ZSCAN23: variants seen among roughly 807,000 people sequenced by gnomAD.
ZSCAN23 encodes zinc finger and SCAN domain containing 23, also known as zinc finger and SCAN domain-containing protein 23.
Under a neutral mutation model 19.3 loss-of-function variants are expected in ZSCAN23, and 19 were observed. That is an observed-to-expected ratio of 0.99 (90% confidence interval 0.69 to 1.45). ZSCAN23 has a LOEUF of 1.45. Ranked by LOEUF, ZSCAN23 falls within the 40% of genes most tolerant of loss-of-function variation. The probability of loss-of-function intolerance (pLI) is 0.00; values close to 1 mark genes in which losing one functional copy is unlikely to be tolerated. For synonymous variants in ZSCAN23, 140 were observed against 166.2 expected (o/e 0.84, Z 1.21); for missense variants, 372 against 462.5 (o/e 0.80, Z 1.79).
rs1761865412 is a variant in ZSCAN23 at position 28,435,604 on chromosome 6, G to T, written c.412C>A (p.Leu138Met). Residue 138 changes from leucine to methionine, a missense_variant, in exon 3 of 4, where the codon CTG becomes ATG. Leu to Met is a conservative substitution (Grantham distance 15). Transcript: ENST00000289788. Reference protein sequence around the residue: ...RELDDPGEQVLSHAHEQEEFV... With the variant: ...RELDDPGEQVMSHAHEQEEFV... ...TCTTCCTGTTCATGAGCATGGCTCA[G>T]GACCTGGTGGAAATCAAGGACAGTT... The T allele has an allele frequency of 6.5e-7, 1 of 1,550,270 alleles. No homozygotes were observed. Among genetic ancestry groups the T allele is most frequent in the Non-Finnish European group, 8.7e-7 (1 of 1,146,636 alleles).
At chr6:28,426,397 T>C in the ZSCAN23 span, among the ~76,000 whole-genome samples, 5 of 152,182 alleles carry the variant, frequency 3.3e-5, no homozygotes, top group Non-Finnish European at 7.3e-5. Context: ...TCTCAGGGAA[T>C]AGGGAGGCCT....
chr6:28,429,163 G>A (rs941711807), downstream of ZSCAN23, among the ~76,000 whole-genome samples: 8 of 151,992 alleles, frequency 5.3e-5, no homozygotes, highest in South Asian at 6.2e-4. Flanking sequence ...TATCTTTAAC[G>A]TTCCACCTCC....
At chr6:28,426,544 TGATCACA>T in the ZSCAN23 span, among the ~76,000 whole-genome samples, 13,655 of 152,216 alleles carry the variant, frequency 0.09, 696 homozygotes, top group East Asian at 0.23. Flanking sequence ...CAAAGATCAC[TGATCACA>T]GATCACCATA....
the ZSCAN23 span, among the ~76,000 whole-genome samples, chr6:28,422,871 A>G: frequency 6.6e-6 from 1 of 152,326 alleles, no homozygotes; most frequent in South Asian, 2.1e-4. The surrounding 1 kb of genome is among the most constrained non-coding windows in gnomAD (Gnocchi z 4.0). Context: ...AAAAATGCAA[A>G]AAGACACCAA....
chr6:28,423,236 T>TA, the ZSCAN23 span, among the ~76,000 whole-genome samples: 1 of 151,966 alleles, frequency 6.6e-6, no homozygotes, highest in Non-Finnish European at 1.5e-5. Context: ...GCCTACAAGT[T>TA]AAAAAAAACT....
Position 28,436,113 on chromosome 6 carries a change from T to C in ZSCAN23, c.154A>G (p.Arg52Gly), listed in dbSNP as rs1355155289. 1 of 1,613,030 alleles carries C rather than the reference T, an allele frequency of 6.2e-7. No homozygotes were observed. The highest frequency in any genetic ancestry group is 8.5e-7 in the Non-Finnish European group (1 of 1,179,412). Residue 52 changes from arginine (R) to glycine (G), a missense_variant, in exon 2 of 4, where the codon AGG becomes GGG. By Grantham distance (125) the Arg-to-Gly change is moderately radical (BLOSUM62 -2). Transcript: ENST00000289788. ...HTREIFRRRFRQFCYQESPGP... is the reference protein window; with the variant it reads ...HTREIFRRRFGQFCYQESPGP... ...GGGGACTCCTGATAGCAGAACTGCC[T>C]GAAGCGTCTACGAAAGATCTCTCTG...
intron 2 of ZSCAN23, 70 bp downstream of exon 2, chr6:28,435,789 C>A: frequency 1.4e-6 from 2 of 1,470,442 alleles, no homozygotes; most frequent in Middle Eastern, 1.8e-4. Flanking sequence ...CCTCCTCTAC[C>A]TTTTCTTGTT....
At position 28,434,839 on chromosome 6, in the gene ZSCAN23, C is replaced by T. The variant is rs758145205; in HGVS notation, c.796G>A (p.Glu266Lys). The T allele has an allele frequency of 2.3e-5, 36 of 1,587,936 alleles. No individual in the cohort carries two copies. The highest frequency in any genetic ancestry group is 3.6e-5 in the Admixed American group (2 of 55,236). ...TCACCTGTGTGTGTTCTCTGGTGCT[C>T]GATAAGGATGGAATTCTGGGTGAAG... is the stretch of plus-strand genomic sequence containing the variant. ...KSFTQNSILI[E>K]HQRTHTGEKP... Residue 266 changes from glutamate to lysine, a missense_variant, in exon 4 of 4, where the codon GAG becomes AAG. Coordinates refer to ENST00000289788, the MANE Select transcript of ZSCAN23 (RefSeq NM_001012455.2).
At chr6:28,422,843 G>A in the ZSCAN23 span, among the ~76,000 whole-genome samples, 3 of 152,216 alleles carry the variant, frequency 2.0e-5, no homozygotes, top group Non-Finnish European at 4.4e-5. The surrounding 1 kb of genome is among the most constrained non-coding windows in gnomAD (Gnocchi z 4.0). Context: ...AGAGATTTTA[G>A]TGACAAGGTT....
In ZSCAN23 at chr6:28,434,910, C is replaced by G; in HGVS notation, c.725G>C (p.Ser242Thr). ...REGRLEKQRV[S>T]SSVERPYICS... ...GATATAGGGTCTCTCCACTGAAGAG[C>G]TCACCCTTTGCTTTTCCAATCTGCC... Residue 242 changes from serine (S) to threonine (T), a missense_variant, in exon 4 of 4, where the codon AGC (serine) becomes ACC (threonine). Coordinates refer to ENST00000289788, the MANE Select transcript of ZSCAN23 (RefSeq NM_001012455.2). 6.4e-7 allele frequency: 1 copy of G among 1,552,694 alleles called. No individual in the cohort carries two copies. The highest frequency in any genetic ancestry group is 8.7e-7 in the Non-Finnish European group (1 of 1,147,490).
chr6:28,434,066 A>C lies in ZSCAN23; in HGVS notation c.*399T>G, dbSNP rs1761817943. 6.4e-6 allele frequency: 1 copy of C among 155,040 alleles called. No individual in the cohort carries two copies. Among genetic ancestry groups the C allele is most frequent in the Admixed American group, 6.4e-5 (1 of 15,556 alleles). 9.6% of individuals were successfully genotyped at this position (155,040 alleles called of 1,614,324 possible). A position where few individuals can be genotyped will look rare whatever the true frequency, so the allele number is the denominator to read the frequency against. Reference sequence around the variant, plus strand: ...AAGAAGTCAGGAAACCTATATTATGAATTTTATTACAATTATTTTTAAGTT... The same window carrying C: ...AAGAAGTCAGGAAACCTATATTATGCATTTTATTACAATTATTTTTAAGTT... On this transcript the variant is annotated 3_prime_UTR_variant, in exon 4 of 4. Transcript: ENST00000289788.
chr6:28,438,187 C>T (rs1318417742), intron 1 of ZSCAN23, among the ~76,000 whole-genome samples: 38 of 152,200 alleles, frequency 2.5e-4, no homozygotes, highest in Non-Finnish European at 7.4e-5. Flanking sequence ...ACCTCCGCCT[C>T]CTGGGTTCAA....
At position 28,435,850 on chromosome 6, in the gene ZSCAN23, T is replaced by C. The variant is rs1487365384; in HGVS notation, c.408+9A>G. The C allele has an allele frequency of 6.4e-7, 1 of 1,562,558 alleles. No individual in the cohort carries two copies. The highest frequency in any genetic ancestry group is 8.6e-7 in the Non-Finnish European group (1 of 1,158,602). Reference sequence around the variant, plus strand: ...ATAGGTACAAATCCCTGTTCTCCCATCTTCTCACCTGCTCTCCTGGGTCAT... The same window carrying C: ...ATAGGTACAAATCCCTGTTCTCCCACCTTCTCACCTGCTCTCCTGGGTCAT... On this transcript the variant is annotated intron_variant, in intron 2 of 3. Transcript: ENST00000289788.
the ZSCAN23 span, among the ~76,000 whole-genome samples, chr6:28,424,360 C>A: frequency 6.6e-6 from 1 of 152,186 alleles, no homozygotes; most frequent in Non-Finnish European, 1.5e-5. Context: ...TCTGCTGACT[C>A]ATGGCTGATT....
intron 3 of ZSCAN23, 69 bp from the exon 4 acceptor site, chr6:28,435,147 A>T: frequency 6.9e-7 from 1 of 1,448,308 alleles, no homozygotes. Flanking sequence ...CCAAAGACAA[A>T]AGAAAAAAAG....
At chr6:28,438,329 G>A (rs1426038461) in intron 1 of ZSCAN23, among the ~76,000 whole-genome samples, 5 of 151,948 alleles carry the variant, frequency 3.3e-5, no homozygotes, top group South Asian at 4.1e-4. Context: ...ACTCCTGACC[G>A]CAGATGATCC....
chr6:28,427,141 T>TCA (rs1460849405), downstream of ZSCAN23, among the ~76,000 whole-genome samples: 1 of 152,186 alleles, frequency 6.6e-6, no homozygotes, highest in Non-Finnish European at 1.5e-5. Flanking sequence ...TCAGGGGACC[T>TCA]CACATCTGAC....
intron 1 of ZSCAN23, among the ~76,000 whole-genome samples, chr6:28,442,208 A>C (rs544302357): frequency 1.3e-5 from 2 of 152,142 alleles, no homozygotes; most frequent in Non-Finnish European, 2.9e-5. Flanking sequence ...GATCTTGGGC[A>C]AGTTAGTTGA....
the ZSCAN23 span, among the ~76,000 whole-genome samples, chr6:28,423,736 A>C: frequency 6.6e-6 from 1 of 152,234 alleles, no homozygotes; most frequent in Non-Finnish European, 1.5e-5. Flanking sequence ...ACAGCTCAGA[A>C]GACTGGCTCA....
Sources: gnomAD v4.1 joint callset for allele counts (sites outside exome capture counted in the v4.1 genomes callset) on GRCh38, gnomAD v4.1.1 for gene constraint, Gnocchi (gnomAD v3.1) non-coding constraint, MANE v1.5 for transcripts, NCBI Gene and HGNC (gene_info 2026-07-23, HGNC 2026-07-21) for gene names.